The following FZD3 variants were observed in gnomAD, a reference collection of about 807,000 sequenced individuals.
The protein encoded by FZD3 is frizzled class receptor 3.
A neutral mutation model predicts 60.7 loss-of-function variants in FZD3; 30 were observed. The ratio of observed to expected loss-of-function variants is 0.49; its 90% CI spans 0.37 to 0.67. FZD3 has a LOEUF of 0.67. FZD3 is among the 30% of genes least tolerant of loss of function. The probability of loss-of-function intolerance (pLI) is 0.00; values close to 1 mark genes in which losing one functional copy is unlikely to be tolerated. For synonymous variants in FZD3, 246 were observed against 275.2 expected (o/e 0.89, Z 1.05); for missense variants, 605 against 838.7 (o/e 0.72, Z 3.44).
intron 7 of FZD3, among the ~76,000 whole-genome samples, chr8:28,556,489 C>A (rs908403072): frequency 5.9e-5 from 9 of 152,136 alleles, no homozygotes; most frequent in Admixed American, 3.3e-4. Flanking sequence ...TACCTAATTC[C>A]TTGGAACAGT....
At chr8:28,508,593 C>T (rs952229588) in intron 3 of FZD3, among the ~76,000 whole-genome samples, 2 of 151,870 alleles carry the variant, frequency 1.3e-5, no homozygotes, top group African/African-American at 2.4e-5. Flanking sequence ...CCTAATCTCC[C>T]GGGCTCAGTT....
At chr8:28,556,913 A>G (rs1351705016) in intron 7 of FZD3, among the ~76,000 whole-genome samples, 1 of 152,326 alleles carries the variant, frequency 6.6e-6, no homozygotes, top group Non-Finnish European at 1.5e-5. Context: ...TTTCTTGTTA[A>G]ATTTGAGAAA....
chr8:28,499,703 C>A (rs1165934321), intron 1 of FZD3, among the ~76,000 whole-genome samples: 2 of 151,622 alleles, frequency 1.3e-5, no homozygotes, highest in African/African-American at 4.8e-5. Context: ...ATTGTTTTTT[C>A]CTATCTGGTT....
intron 4 of FZD3, among the ~76,000 whole-genome samples, chr8:28,522,287 A>G: frequency 6.6e-6 from 1 of 151,998 alleles, no homozygotes; most frequent in East Asian, 1.9e-4. Flanking sequence ...AAAAAAAAAC[A>G]GTGTTATTTA....
At chr8:28,543,384 T>C (rs1014691884) in intron 5 of FZD3, among the ~76,000 whole-genome samples, 1 of 147,444 alleles carries the variant, frequency 6.8e-6, no homozygotes, top group Non-Finnish European at 1.5e-5. Flanking sequence ...CTGTTTTTGT[T>C]TTTGTTTTTT....
At chr8:28,515,306 G>A (rs999404768) in intron 3 of FZD3, among the ~76,000 whole-genome samples, 7 of 152,188 alleles carry the variant, frequency 4.6e-5, no homozygotes, top group Admixed American at 3.9e-4. Context: ...ACTGAGGGAC[G>A]TAAGGCAGAG....
rs1426978870 is a variant in FZD3 at position 28,569,840 on chromosome 8, A to T, written c.*6829A>T. 1.3e-5 allele frequency: 2 copies of T among 152,242 alleles called. No individual in the cohort carries two copies. Among genetic ancestry groups the T allele is most frequent in the Non-Finnish European group, 2.9e-5 (2 of 68,036 alleles). The allele number at this position is 152,242 out of a possible 1,614,324, so 9.4% of individuals were successfully genotyped here. ...AACGTTTTGTGGTCTTTGTTCTCTT[A>T]AATATGAATATAGCTAGTTAGCCTA... On this transcript the variant is annotated 3_prime_UTR_variant, in exon 8 of 8. Coordinates refer to ENST00000240093, the MANE Select transcript of FZD3 (RefSeq NM_017412.4).
At chr8:28,560,131 C>T (rs1805588657) in intron 7 of FZD3, among the ~76,000 whole-genome samples, 2 of 152,092 alleles carry the variant, frequency 1.3e-5, no homozygotes, top group African/African-American at 2.4e-5. Flanking sequence ...ACAGTTAATT[C>T]AGTTATTTAG....
chr8:28,538,173 A>G (rs890530261), intron 5 of FZD3, among the ~76,000 whole-genome samples: 6 of 151,214 alleles, frequency 4.0e-5, no homozygotes, highest in African/African-American at 1.2e-4. Context: ...TACTGTTATC[A>G]CTATAATAAA....
At chr8:28,541,354 A>G (rs1805161818) in intron 5 of FZD3, among the ~76,000 whole-genome samples, 1 of 152,182 alleles carries the variant, frequency 6.6e-6, no homozygotes, top group African/African-American at 2.4e-5. Flanking sequence ...AGAACCCTGT[A>G]ATGCAAAATG....
chr8:28,562,607 C>A (rs1233178651), intron 7 of FZD3, among the ~76,000 whole-genome samples, 191 bp from the exon 8 acceptor site: 1 of 152,186 alleles, frequency 6.6e-6, no homozygotes, highest in Non-Finnish European at 1.5e-5. Flanking sequence ...TGGATTATCT[C>A]TTCTCTTTTG....
chr8:28,561,353 G>A (rs1451693786), intron 7 of FZD3, among the ~76,000 whole-genome samples: 2 of 152,008 alleles, frequency 1.3e-5, no homozygotes, highest in East Asian at 1.9e-4. Context: ...CACTGCGCCC[G>A]GCCAAAAGAC....
rs138856132 is a variant in FZD3 at position 28,558,931 on chromosome 8, T to C, written c.1787+2960T>C. Among the ~76,000 whole-genome samples, 109 of 152,206 alleles carry C rather than the reference T, an allele frequency of 7.2e-4. 2 individuals carry two copies. Among genetic ancestry groups the C allele is most frequent in the African/African-American group, 2.4e-3 (101 of 41,516 alleles). Reference sequence around the variant, plus strand: ...TGCATTCTAGGAGCATATAACCTTATAGGAAAGATAAGACATACACATATG... The same window carrying C: ...TGCATTCTAGGAGCATATAACCTTACAGGAAAGATAAGACATACACATATG... On this transcript the variant is annotated intron_variant, in intron 7 of 7. Transcript: ENST00000240093.
intron 4 of FZD3, among the ~76,000 whole-genome samples, chr8:28,522,550 T>C (rs1300672504): frequency 6.6e-6 from 1 of 152,184 alleles, no homozygotes; most frequent in Admixed American, 6.5e-5. Context: ...TATAAAACAA[T>C]TATAAATTGC....
intron 5 of FZD3, among the ~76,000 whole-genome samples, chr8:28,541,612 C>A (rs935450230): frequency 1.3e-5 from 2 of 152,192 alleles, no homozygotes; most frequent in East Asian, 1.9e-4. Flanking sequence ...ATAATCTTAT[C>A]CAGTCCCATG....
At chr8:28,517,151 A>C (rs549870249) in intron 3 of FZD3, among the ~76,000 whole-genome samples, 5 of 152,038 alleles carry the variant, frequency 3.3e-5, no homozygotes, top group South Asian at 4.1e-4. Flanking sequence ...TTGATGGCTA[A>C]TTTTTCTTTT....
chr8:28,542,497 G>A (rs761645105), intron 5 of FZD3, among the ~76,000 whole-genome samples: 8 of 152,088 alleles, frequency 5.3e-5, no homozygotes, highest in Middle Eastern at 3.2e-3. Context: ...AATTAGCTGG[G>A]CCTAGTGGCG....
intron 5 of FZD3, among the ~76,000 whole-genome samples, chr8:28,538,826 T>C (rs1015300719): frequency 1.1e-4 from 17 of 148,460 alleles, no homozygotes; most frequent in African/African-American, 4.2e-4. Context: ...CATTCATTAA[T>C]GCAAAACCAT....
chr8:28,508,818 C>A (rs1804210941), intron 3 of FZD3, among the ~76,000 whole-genome samples: 1 of 152,156 alleles, frequency 6.6e-6, no homozygotes, highest in Admixed American at 6.5e-5. Context: ...AACCACCATG[C>A]CTGGCCATGG....
Sources: allele counts gnomAD v4.1 joint callset (sites outside exome capture counted in the v4.1 genomes callset), GRCh38; gene constraint gnomAD v4.1.1; transcripts MANE v1.5; gene names NCBI Gene and HGNC (gene_info 2026-07-23, HGNC 2026-07-21).